The following SPATA6L variants were observed in gnomAD, a reference collection of about 807,000 sequenced individuals.
The protein encoded by SPATA6L is spermatogenesis associated 6 like, also known as spermatogenesis associated 6-like protein.
SPATA6L carries 68 observed loss-of-function variants against 49.2 expected under a neutral mutation model. That is an observed-to-expected ratio of 1.38 (90% CI 1.14 to 1.69). The LOEUF is 1.69. Among genes scored for constraint, SPATA6L ranks in the 40% most tolerant of loss-of-function variants. The pLI, the probability that SPATA6L is intolerant of heterozygous loss-of-function variation, is 0.00. For missense variants in SPATA6L, 668 were observed against 464.3 expected, an observed-to-expected ratio of 1.44 and a Z score of -4.03; for synonymous variants, 198 against 165.7, an observed-to-expected ratio of 1.19 and a Z score of -1.50.
At chr9:4,655,955 A>G (rs1703740457) in intron 3 of SPATA6L, 86 bp downstream of exon 3, 1 of 1,012,254 alleles carries the variant, frequency 9.9e-7, no homozygotes, top group Non-Finnish European at 1.5e-6. Flanking sequence ...TGAACATATC[A>G]CAGTTTAGAA....
intron 4 of SPATA6L, among the ~76,000 whole-genome samples, chr9:4,632,376 A>C (rs1260875852): frequency 6.6e-6 from 1 of 151,764 alleles, no homozygotes; most frequent in Non-Finnish European, 1.5e-5. Flanking sequence ...CAGGAGAATC[A>C]CCTGAGGTCA....
intron 3 of SPATA6L, among the ~76,000 whole-genome samples, chr9:4,647,959 C>T (rs1473369990): frequency 1.3e-5 from 2 of 151,782 alleles, no homozygotes; most frequent in Non-Finnish European, 2.9e-5. Context: ...CTCAGCCTCT[C>T]GAGTAGCTGG....
In SPATA6L at chr9:4,656,048, A is replaced by G; in HGVS notation, c.219T>C (p.Leu73=). 6.2e-7 allele frequency: 1 copy of G among 1,612,346 alleles called. No homozygotes were observed. Residue 73 remains leucine (L), a synonymous_variant, in exon 3 of 12, where the codon CTT becomes CTC. Transcript: ENST00000682582. ...SAVDPGAVVD[L]LEMWDELAYY... ...GTTTTTCAGAGTACCTACTTTCCAA[A>G]AGGTCTACTACAGCTCCAGGATCTA...
At chr9:4,605,982 G>C (rs958629027) in intron 9 of SPATA6L, among the ~76,000 whole-genome samples, 2 of 152,174 alleles carry the variant, frequency 1.3e-5, no homozygotes, top group East Asian at 1.9e-4. Context: ...AGCAGGGCGA[G>C]GCATTGCCTC....
At position 4,609,785 on chromosome 9, in the gene SPATA6L, G is replaced by T. The variant is rs571846408; in HGVS notation, c.996-4345C>A. Reference sequence around the variant, plus strand: ...ACTCCTATTCAACATAGTGTTGGAAGTTCTGGCCAGGGCAATTAGGCAGGA... The same window carrying T: ...ACTCCTATTCAACATAGTGTTGGAATTTCTGGCCAGGGCAATTAGGCAGGA... On this transcript the variant is annotated intron_variant, in intron 9 of 11. Coordinates refer to ENST00000682582, the MANE Select transcript of SPATA6L (RefSeq NM_001353486.2). Among the ~76,000 whole-genome samples, 511 of 151,750 alleles carry T rather than the reference G, an allele frequency of 3.4e-3. 5 individuals are homozygous for T. The highest frequency in any genetic ancestry group is 0.012 in the African/African-American group (494 of 41,158).
intron 2 of SPATA6L, 143 bp downstream of exon 2, chr9:4,661,756 G>A: frequency 9.2e-7 from 1 of 1,090,262 alleles, no homozygotes; most frequent in Non-Finnish European, 1.3e-6. Context: ...TGTTCCGACT[G>A]CGGTTTTGCA....
At chr9:4,659,600 T>C (rs187682969) in intron 2 of SPATA6L, among the ~76,000 whole-genome samples, 2 of 152,298 alleles carry the variant, frequency 1.3e-5, no homozygotes, top group African/African-American at 4.8e-5. Flanking sequence ...ATGGCCATAC[T>C]GCCCAGGGTA....
intron 6 of SPATA6L, among the ~76,000 whole-genome samples, chr9:4,624,137 A>G (rs1189364454): frequency 6.6e-6 from 1 of 152,254 alleles, no homozygotes; most frequent in Admixed American, 6.5e-5. Context: ...TAATGATACT[A>G]TCAATAGTTA....
chr9:4,618,455 G>C (rs562030276), intron 8 of SPATA6L, among the ~76,000 whole-genome samples: 1 of 152,318 alleles, frequency 6.6e-6, no homozygotes, highest in East Asian at 1.9e-4. Flanking sequence ...AAGAAGCATA[G>C]TATATTCCAT....
chr9:4,595,278 G>A (rs1034148686), downstream of SPATA6L, among the ~76,000 whole-genome samples: 3 of 152,078 alleles, frequency 2.0e-5, no homozygotes, highest in African/African-American at 7.2e-5. Flanking sequence ...CCTAAAATAA[G>A]TTGTCTCATG....
chr9:4,618,619 T>C (rs981092715), intron 8 of SPATA6L, among the ~76,000 whole-genome samples: 3 of 152,152 alleles, frequency 2.0e-5, no homozygotes, highest in African/African-American at 4.8e-5. Flanking sequence ...ACCAATAAAG[T>C]AGGTATTGGG....
intron 2 of SPATA6L, among the ~76,000 whole-genome samples, chr9:4,656,921 C>G (rs937822552): frequency 1.3e-5 from 2 of 150,038 alleles, no homozygotes; most frequent in South Asian, 2.1e-4. Context: ...AAAACAAAAG[C>G]TAAGTACTAG....
chr9:4,640,589 G>A (rs561771408), intron 3 of SPATA6L, among the ~76,000 whole-genome samples: 1 of 151,982 alleles, frequency 6.6e-6, no homozygotes. Flanking sequence ...ATTTTTGCTA[G>A]TATCAAGGAT....
chr9:4,618,723 A>G, intron 8 of SPATA6L, 141 bp downstream of exon 8: 1 of 784,498 alleles, frequency 1.3e-6, no homozygotes, highest in South Asian at 1.8e-5. Context: ...GTCTGGGCAC[A>G]TCTTCATACA....
Position 4,662,592 on chromosome 9 carries a change from CT to C in SPATA6L, c.40-557del, listed in dbSNP as rs1563745394. The C allele has an allele frequency of 1.3e-6, 2 of 1,592,220 alleles. No homozygotes were observed. The highest frequency in any genetic ancestry group is 1.1e-5 in the South Asian group (1 of 90,548). On this transcript the variant is annotated intron_variant, in intron 1 of 11. Coordinates refer to ENST00000682582, the MANE Select transcript of SPATA6L (RefSeq NM_001353486.2). This position sits in a 1 kb window ranked among gnomAD's most constrained non-coding sequence, Gnocchi z 4.9. ...AGTTCACCGCCGCGGCTCCTTCCCC[CT>C]GGCCGCGGCGGGCCCCTCGCAGTCG...
intron 9 of SPATA6L, among the ~76,000 whole-genome samples, chr9:4,616,716 G>A (rs995374564): frequency 2.0e-5 from 3 of 152,174 alleles, no homozygotes; most frequent in South Asian, 2.1e-4. Flanking sequence ...CTCCCGAGTA[G>A]CTGGGATTAC....
chr9:4,616,054 T>C (rs1195784979), intron 9 of SPATA6L, among the ~76,000 whole-genome samples: 1 of 152,140 alleles, frequency 6.6e-6, no homozygotes, highest in East Asian at 1.9e-4. Flanking sequence ...AGACAATTGC[T>C]TGAGCCCAGG....
intron 3 of SPATA6L, among the ~76,000 whole-genome samples, chr9:4,638,554 AGT>A (rs1833319775): frequency 6.6e-6 from 1 of 151,950 alleles, no homozygotes; most frequent in Admixed American, 6.5e-5. Context: ...TTCATTTACT[AGT>A]CTCATCCTGG....
intron 4 of SPATA6L, among the ~76,000 whole-genome samples, chr9:4,634,137 A>C (rs544643692): frequency 1.3e-5 from 2 of 152,364 alleles, no homozygotes; most frequent in East Asian, 3.8e-4. Flanking sequence ...ATACCAGCTC[A>C]GTGTTTGTAG....
Sources: allele counts gnomAD v4.1 joint callset (sites outside exome capture counted in the v4.1 genomes callset), GRCh38; gene constraint gnomAD v4.1.1; non-coding constraint Gnocchi (gnomAD v3.1); transcripts MANE v1.5; gene names NCBI Gene and HGNC (gene_info 2026-07-23, HGNC 2026-07-21).